The following ARHGAP32 variants were observed in gnomAD, a reference collection of about 807,000 sequenced individuals.
The protein encoded by ARHGAP32 is Rho GTPase activating protein 32.
In ARHGAP32, 51 loss-of-function variants were observed where a neutral mutation model predicts 186.5. The ratio of observed to expected loss-of-function variants is 0.27; its 90% CI spans 0.22 to 0.35. ARHGAP32 has a LOEUF of 0.35. Among genes scored for constraint, ARHGAP32 ranks in the 10% least tolerant of loss-of-function variants. The pLI is 1.00. For missense variants in ARHGAP32, 2,186 were observed against 2,623.5 expected (o/e 0.83, Z 3.64); for synonymous variants, 950 against 964.3 (o/e 0.99, Z 0.27).
chr11:129,022,768 T>C (rs2134903735), intron 11 of ARHGAP32, among the ~76,000 whole-genome samples: 1 of 152,322 alleles, frequency 6.6e-6, no homozygotes, highest in South Asian at 2.1e-4. Context: ...ACCTGGAATC[T>C]GGCTATCTAT....
At chr11:129,083,618 C>T (rs1382596284) in intron 6 of ARHGAP32, among the ~76,000 whole-genome samples, 1 of 152,096 alleles carries the variant, frequency 6.6e-6, no homozygotes, top group Non-Finnish European at 1.5e-5. Context: ...GCACAGTGTA[C>T]ACTGCTCAGG....
At chr11:129,267,269 C>T (rs1160455050) in intron 1 of ARHGAP32, among the ~76,000 whole-genome samples, 1 of 152,058 alleles carries the variant, frequency 6.6e-6, no homozygotes. Flanking sequence ...GAGGTTGAGG[C>T]AGGAAAATCA....
At chr11:129,161,759 C>T (rs1943535040) in intron 2 of ARHGAP32, among the ~76,000 whole-genome samples, 1 of 152,106 alleles carries the variant, frequency 6.6e-6, no homozygotes, top group Non-Finnish European at 1.5e-5. Context: ...GGATCTAGAA[C>T]CAGAAATACC....
intron 10 of ARHGAP32, among the ~76,000 whole-genome samples, chr11:129,043,668 G>A (rs889814699): frequency 6.6e-5 from 10 of 152,032 alleles, no homozygotes; most frequent in Non-Finnish European, 1.5e-4. Context: ...GATTACAGGC[G>A]TGAGTCACCA....
At position 129,085,411 on chromosome 11, in the gene ARHGAP32, C is replaced by T. The variant is rs761881977; in HGVS notation, c.531+8210G>A. Among the ~76,000 whole-genome samples, 6 of 152,124 alleles carry T rather than the reference C, an allele frequency of 3.9e-5. No individual in the cohort carries two copies. In the East Asian group the frequency reaches 9.6e-4, roughly 24 times the overall value. ...AGACAGCTATATATCTAACAAAATA[C>T]ACCTAACAGCTATATAAGGAAAACT... On this transcript the variant is annotated intron_variant, in intron 6 of 22. Coordinates refer to ENST00000682385, the MANE Select transcript of ARHGAP32 (RefSeq NM_001378024.1).
At chr11:129,164,945 T>TGG (rs1289692163) in intron 1 of ARHGAP32, among the ~76,000 whole-genome samples, 2 of 152,158 alleles carry the variant, frequency 1.3e-5, no homozygotes, top group Admixed American at 6.5e-5. Flanking sequence ...CCAATACAGA[T>TGG]GGGACATCCA....
At chr11:129,114,106 G>A (rs1276457757) in intron 5 of ARHGAP32, among the ~76,000 whole-genome samples, 1 of 151,886 alleles carries the variant, frequency 6.6e-6, no homozygotes, top group Non-Finnish European at 1.5e-5. Context: ...TATTTCAAAT[G>A]GTCTCTCTCC....
At chr11:129,134,290 T>C (rs1260348996) in intron 2 of ARHGAP32, among the ~76,000 whole-genome samples, 1 of 152,090 alleles carries the variant, frequency 6.6e-6, no homozygotes, top group African/African-American at 2.4e-5. Flanking sequence ...CTATAGTACT[T>C]AATGATGAAA....
intron 15 of ARHGAP32, 146 bp downstream of exon 15, chr11:128,985,857 T>TATAA (rs2136119939): frequency 9.5e-6 from 1 of 105,412 alleles, no homozygotes; most frequent in South Asian, 2.9e-4. Flanking sequence ...TGTGTGTGTG[T>TATAA]GTATATATAT....
chr11:129,165,155 C>CA (rs1270522933), intron 1 of ARHGAP32, among the ~76,000 whole-genome samples: 1 of 151,896 alleles, frequency 6.6e-6, no homozygotes, highest in Non-Finnish European at 1.5e-5. Flanking sequence ...AAAATGCCCC[C>CA]AAAAAAGACC....
intron 2 of ARHGAP32, among the ~76,000 whole-genome samples, chr11:129,131,131 A>C (rs974169370): frequency 9.9e-5 from 15 of 152,170 alleles, no homozygotes; most frequent in African/African-American, 3.4e-4. Context: ...AATAGGTAAA[A>C]TTATTCATAG....
chr11:129,246,944 G>A (rs1403091551), intron 1 of ARHGAP32, among the ~76,000 whole-genome samples: 1 of 152,052 alleles, frequency 6.6e-6, no homozygotes, highest in Non-Finnish European at 1.5e-5. Context: ...GAACCTGATG[G>A]TAGCTGATTT....
At chr11:129,134,585 T>C (rs938512193) in intron 2 of ARHGAP32, among the ~76,000 whole-genome samples, 1 of 152,262 alleles carries the variant, frequency 6.6e-6, no homozygotes, top group South Asian at 2.1e-4. Flanking sequence ...ATTCCAACTA[T>C]AATAGCATTG....
chr11:129,026,545 C>T (rs1304108013), intron 11 of ARHGAP32, among the ~76,000 whole-genome samples: 1 of 152,072 alleles, frequency 6.6e-6, no homozygotes, highest in Admixed American at 6.5e-5. Flanking sequence ...TTTGTAATCC[C>T]AGCACTTTGG....
intron 10 of ARHGAP32, among the ~76,000 whole-genome samples, chr11:129,049,907 A>G (rs189244451): frequency 6.6e-6 from 1 of 152,362 alleles, no homozygotes; most frequent in East Asian, 1.9e-4. Flanking sequence ...GTAAGTGTAC[A>G]GTAATTCCTC....
At position 129,253,344 on chromosome 11, in the gene ARHGAP32, C is replaced by T. The variant is rs529561594; in HGVS notation, c.-5+25802G>A. 7.2e-5 allele frequency among the ~76,000 whole-genome samples: 11 copies of T among 152,156 alleles called. No homozygotes were observed. The South Asian group carries it at 1.2e-3, about 17-fold the overall frequency. On this transcript the variant is annotated intron_variant, in intron 1 of 6. Coordinates refer to the ARHGAP32 transcript ENST00000525234. ...GTACACACTCTCACTATTTTTCAATCCTAGCAAAAAGAGTGATAGATAGGA... is the reference window on the plus strand; with the variant it reads ...GTACACACTCTCACTATTTTTCAATTCTAGCAAAAAGAGTGATAGATAGGA...
chr11:129,107,150 A>T (rs146437329), intron 5 of ARHGAP32, among the ~76,000 whole-genome samples: 61 of 152,292 alleles, frequency 4.0e-4, no homozygotes, highest in African/African-American at 1.3e-3. Context: ...AGGTGGAGGG[A>T]TGATACATTT....
chr11:129,151,619 C>A (rs1236809066), intron 2 of ARHGAP32, among the ~76,000 whole-genome samples: 1 of 152,138 alleles, frequency 6.6e-6, no homozygotes, highest in East Asian at 1.9e-4. Context: ...CTTCAATGAT[C>A]TTTGAGACAA....
chr11:129,038,556 G>A (rs1250252714), intron 11 of ARHGAP32, among the ~76,000 whole-genome samples: 1 of 151,680 alleles, frequency 6.6e-6, no homozygotes, highest in African/African-American at 2.4e-5. Context: ...ATTATTATCT[G>A]GTAAAGAATT....
Sources: allele counts gnomAD v4.1 joint callset (sites outside exome capture counted in the v4.1 genomes callset), GRCh38; gene constraint gnomAD v4.1.1; transcripts MANE v1.5; gene names NCBI Gene and HGNC (gene_info 2026-07-23, HGNC 2026-07-21).